The following PTPN13 variants were observed in gnomAD, a reference collection of about 807,000 sequenced individuals.
PTPN13 encodes tyrosine-protein phosphatase non-receptor type 13.
A neutral mutation model predicts 284.0 loss-of-function variants in PTPN13; 191 were observed. That is an observed-to-expected ratio of 0.67 (90% confidence interval 0.60 to 0.76). The LOEUF is 0.76. PTPN13 is among the 30% of genes least tolerant of loss of function. The probability of loss-of-function intolerance (pLI) is 0.00; values close to 1 mark genes in which losing one functional copy is unlikely to be tolerated. For synonymous variants in PTPN13, 986 were observed against 1,022.3 expected, an observed-to-expected ratio of 0.96 and a Z score of 0.68; for missense variants, 2,797 against 2,939.9, an observed-to-expected ratio of 0.95 and a Z score of 1.12.
At chr4:86,658,633 G>A (rs1249408945) in intron 2 of PTPN13, among the ~76,000 whole-genome samples, 2 of 152,144 alleles carry the variant, frequency 1.3e-5, no homozygotes, top group Non-Finnish European at 2.9e-5. Flanking sequence ...AAAAATATGA[G>A]AGAGTTTAGG....
chr4:86,794,382 T>C (rs1041808967), intron 40 of PTPN13, among the ~76,000 whole-genome samples: 9 of 152,056 alleles, frequency 5.9e-5, no homozygotes, highest in Non-Finnish European at 1.5e-5. Context: ...AAACCACTGC[T>C]CAACGAAATA....
chr4:86,684,732 C>T (rs1729257341), intron 3 of PTPN13, among the ~76,000 whole-genome samples: 1 of 151,744 alleles, frequency 6.6e-6, no homozygotes, highest in African/African-American at 2.4e-5. Flanking sequence ...AAATAGGAGC[C>T]GAGTAAATAA....
chr4:86,794,884 T>C (rs1273259558), intron 40 of PTPN13, among the ~76,000 whole-genome samples: 3 of 152,124 alleles, frequency 2.0e-5, no homozygotes, highest in African/African-American at 4.8e-5. Context: ...TTATGCCGTA[T>C]ACAAAAATTA....
intron 30 of PTPN13, 40 bp from the exon 31 acceptor site, chr4:86,771,131 A>T: frequency 6.6e-7 from 1 of 1,515,000 alleles, no homozygotes; most frequent in South Asian, 1.4e-5. Context: ...TCTAAAATTC[A>T]TAGAATGGTC....
intron 2 of PTPN13, among the ~76,000 whole-genome samples, chr4:86,640,907 G>A (rs763851588): frequency 1.3e-5 from 2 of 152,152 alleles, no homozygotes; most frequent in Non-Finnish European, 2.9e-5. Context: ...AAGGCCTCCA[G>A]TCTAATTCAC....
At chr4:86,647,796 C>T (rs1001367887) in intron 2 of PTPN13, among the ~76,000 whole-genome samples, 2 of 151,972 alleles carry the variant, frequency 1.3e-5, no homozygotes, top group African/African-American at 4.8e-5. Flanking sequence ...AGAAGGAAAA[C>T]TGTGAGAAGA....
Position 86,635,100 on chromosome 4 carries a change from G to A in PTPN13, c.-5-152G>A, listed in dbSNP as rs17011966. 0.059 allele frequency among the ~76,000 whole-genome samples: 8,947 copies of A among 152,182 alleles called. 379 individuals are homozygous for A. The highest frequency in any genetic ancestry group is 0.1 in the African/African-American group (4,256 of 41,510). ...TTTCCCTCCAATTCCTTTACCTTCTGTGAGTTTAAGATAACATTTAGATTG... is the reference window on the plus strand; with the variant it reads ...TTTCCCTCCAATTCCTTTACCTTCTATGAGTTTAAGATAACATTTAGATTG... On this transcript the variant is annotated intron_variant, in intron 1 of 47. Coordinates refer to ENST00000411767, the MANE Select transcript of PTPN13 (RefSeq NM_080683.3).
chr4:86,698,867 A>G (rs1193916391), intron 6 of PTPN13, among the ~76,000 whole-genome samples: 1 of 152,190 alleles, frequency 6.6e-6, no homozygotes, highest in Non-Finnish European at 1.5e-5. Context: ...TAACAGAGGA[A>G]GAGTTTGGTT....
rs1377787484 is a variant in PTPN13, at chr4:86,764,679, G to C, written c.4104G>C (p.Glu1368Asp). 6.2e-7 allele frequency: 1 copy of C among 1,607,236 alleles called. No individual in the cohort carries two copies. Among genetic ancestry groups the C allele is most frequent in the Non-Finnish European group, 8.5e-7 (1 of 1,178,080 alleles). ...CTCCTAAGCCTGGAGATATCTTTGA[G>C]GTTGAACTGGCTAAAAATGATAACA... ...SSPPKPGDIFEVELAKNDNSL... is the reference protein window; with the variant it reads ...SSPPKPGDIFDVELAKNDNSL... The change falls in exon 25 of 48, where the codon GAG becomes GAC. Residue 1368 changes from glutamate to aspartate, a missense_variant. Physicochemically the swap from Glu to Asp is conservative, Grantham distance 45 (BLOSUM62 2). Transcript: ENST00000411767.
At chr4:86,628,569 G>A (rs2148693115) in intron 1 of PTPN13, among the ~76,000 whole-genome samples, 1 of 133,818 alleles carries the variant, frequency 7.5e-6, no homozygotes, top group African/African-American at 2.8e-5. Context: ...AGTTACATAT[G>A]TATACATGTG....
chr4:86,642,061 A>G (rs1427458446), intron 2 of PTPN13, among the ~76,000 whole-genome samples: 1 of 152,182 alleles, frequency 6.6e-6, no homozygotes, highest in Non-Finnish European at 1.5e-5. Flanking sequence ...CTAATGACTA[A>G]TATAAATGGA....
intron 9 of PTPN13, among the ~76,000 whole-genome samples, chr4:86,718,611 C>T (rs1386660803): frequency 2.0e-5 from 3 of 151,932 alleles, no homozygotes; most frequent in Non-Finnish European, 4.4e-5. Context: ...CCACCATGCC[C>T]GGCTAAGTTT....
At chr4:86,789,336 T>C (rs1742346324) in intron 40 of PTPN13, among the ~76,000 whole-genome samples, 1 of 152,186 alleles carries the variant, frequency 6.6e-6, no homozygotes, top group Admixed American at 6.5e-5. Flanking sequence ...CAAAAACTTT[T>C]AGTGACTCTC....
At position 86,762,776 on chromosome 4, in the gene PTPN13, G is replaced by T. The variant is rs1449710848; in HGVS notation, c.3603G>T (p.Lys1201Asn). 1 of 1,607,438 alleles carries T rather than the reference G, an allele frequency of 6.2e-7. No individual in the cohort carries two copies. Among genetic ancestry groups the T allele is most frequent in the East Asian group, 2.2e-5 (1 of 44,680 alleles). Residue 1201 changes from lysine (K) to asparagine (N), a missense_variant, in exon 24 of 48, where the codon AAG becomes AAT. Transcript: ENST00000411767. ...HLTNEMKNYMKKSSYMQDSAI... is the reference protein window; with the variant it reads ...HLTNEMKNYMNKSSYMQDSAI... Reference sequence around the variant, plus strand: ...CCAATGAGATGAAAAACTACATGAAGAAATCTTCCTACATGCAAGACAGTG... The same window carrying T: ...CCAATGAGATGAAAAACTACATGAATAAATCTTCCTACATGCAAGACAGTG...
chr4:86,652,871 A>T (rs547121763), intron 2 of PTPN13, among the ~76,000 whole-genome samples: 1 of 151,696 alleles, frequency 6.6e-6, no homozygotes, highest in South Asian at 2.1e-4. Context: ...TAAGGCCAAT[A>T]ATTCTTAGAT....
chr4:86,595,872 T>C, intron 1 of PTPN13: 2 of 552,328 alleles, frequency 3.6e-6, no homozygotes, highest in Non-Finnish European at 4.6e-6. Context: ...GTGCATGTAT[T>C]ATGAAACAAG....
chr4:86,737,375 G>A (rs1735643489), intron 15 of PTPN13, among the ~76,000 whole-genome samples: 3 of 151,954 alleles, frequency 2.0e-5, no homozygotes, highest in Non-Finnish European at 4.4e-5. Context: ...TGGCCTGCCT[G>A]TTTTGTAAAT....
At chr4:86,736,874 A>C (rs1384784419) in intron 15 of PTPN13, among the ~76,000 whole-genome samples, 3 of 152,196 alleles carry the variant, frequency 2.0e-5, no homozygotes, top group Non-Finnish European at 4.4e-5. Context: ...CTAATAATAT[A>C]TTCTGTTACT....
intron 10 of PTPN13, among the ~76,000 whole-genome samples, chr4:86,723,128 T>C (rs1733860489): frequency 6.6e-6 from 1 of 152,344 alleles, no homozygotes; most frequent in South Asian, 2.1e-4. Flanking sequence ...TTCTACATTA[T>C]TGTTAGTGTT....
Sources: allele counts gnomAD v4.1 joint callset (sites outside exome capture counted in the v4.1 genomes callset), GRCh38; gene constraint gnomAD v4.1.1; transcripts MANE v1.5; gene names NCBI Gene and HGNC (gene_info 2026-07-23, HGNC 2026-07-21).